Variants in ARHGEF3 observed in about 807,000 individuals in gnomAD.
ARHGEF3 encodes Rho guanine nucleotide exchange factor 3.
ARHGEF3 carries 28 observed loss-of-function variants against 63.2 expected under a neutral mutation model. The observed-to-expected ratio is 0.44, with a 90% CI of 0.33 to 0.61. The LOEUF is 0.61. ARHGEF3 is among the 20% of genes least tolerant of loss of function. ARHGEF3 has a pLI of 0.03. For missense variants in ARHGEF3, 533 were observed against 659.3 expected (o/e 0.81, Z 2.10); for synonymous variants, 266 against 254.2 (o/e 1.05, Z -0.44).
At chr3:57,015,950 T>A (rs1231681906) in intron 2 of ARHGEF3, among the ~76,000 whole-genome samples, 1 of 152,108 alleles carries the variant, frequency 6.6e-6, no homozygotes, top group Non-Finnish European at 1.5e-5. Flanking sequence ...AATCCCCAGA[T>A]GGCCGAATCT....
intron 3 of ARHGEF3, among the ~76,000 whole-genome samples, chr3:56,917,623 G>A (rs553336818): frequency 6.6e-5 from 10 of 152,258 alleles, no homozygotes; most frequent in African/African-American, 2.2e-4. Context: ...AAGTGAGCTT[G>A]GCAAATGCAT....
intron 2 of ARHGEF3, among the ~76,000 whole-genome samples, chr3:56,966,507 TG>T (rs1700500792): frequency 1.3e-5 from 2 of 152,160 alleles, no homozygotes; most frequent in South Asian, 4.1e-4. Context: ...TATTAGCTGG[TG>T]GGGAAGGAGG....
In ARHGEF3 at chr3:56,978,495, A is replaced by T. The variant is rs558522810; in HGVS notation, c.63-19606T>A. 2.0e-5 allele frequency among the ~76,000 whole-genome samples: 3 copies of T among 151,386 alleles called. No individual in the cohort carries two copies. The East Asian group carries it at 5.8e-4, about 29-fold the overall frequency. ...ACAAAATAAAAAACCCAATCAATCA[A>T]TAAACAAACAAAAAGTACTCACCCT... On this transcript the variant is annotated intron_variant, in intron 2 of 12. Coordinates refer to the ARHGEF3 transcript ENST00000338458.
chr3:56,796,736 G>A (rs1308371206), intron 1 of ARHGEF3, among the ~76,000 whole-genome samples: 1 of 152,182 alleles, frequency 6.6e-6, no homozygotes, highest in Non-Finnish European at 1.5e-5. Context: ...GGTTGGAAAA[G>A]TACAGACTTC....
At chr3:56,986,809 G>GA (rs5849179) in intron 2 of ARHGEF3, among the ~76,000 whole-genome samples, 54,801 of 147,216 alleles carry the variant, frequency 0.37, 10,453 homozygotes, top group East Asian at 0.53. Flanking sequence ...TGCGAATTTT[G>GA]AAAAAAAAAA....
intron 6 of ARHGEF3, among the ~76,000 whole-genome samples, chr3:56,747,503 TAC>T (rs2034462474): frequency 1.3e-5 from 2 of 152,124 alleles, no homozygotes; most frequent in South Asian, 4.1e-4. Context: ...GGTTCTCAAA[TAC>T]AGACACTCCC....
At chr3:56,779,287 A>G (rs1260415261) in intron 1 of ARHGEF3, among the ~76,000 whole-genome samples, 1 of 152,218 alleles carries the variant, frequency 6.6e-6, no homozygotes, top group Non-Finnish European at 1.5e-5. Context: ...ATAAAAAGTG[A>G]TATAATGCCT....
chr3:57,046,593 T>C (rs1704463066), intron 1 of ARHGEF3, among the ~76,000 whole-genome samples: 2 of 152,182 alleles, frequency 1.3e-5, no homozygotes, highest in Non-Finnish European at 2.9e-5. Flanking sequence ...CTCAGGAAGA[T>C]GCATCTTAGT....
At chr3:56,831,286 G>A (rs1035100336) in intron 4 of ARHGEF3, among the ~76,000 whole-genome samples, 2 of 152,166 alleles carry the variant, frequency 1.3e-5, no homozygotes, top group African/African-American at 4.8e-5. Flanking sequence ...TCTGTAACTG[G>A]CTTTGTCATC....
intron 4 of ARHGEF3, 127 bp from the exon 5 acceptor site, chr3:56,751,523 T>C: frequency 1.3e-6 from 1 of 741,722 alleles, no homozygotes; most frequent in South Asian, 1.7e-5. Context: ...ACTTCTCCCA[T>C]AAAGCTGCAG....
At chr3:56,849,138 T>G (rs987509347) in intron 4 of ARHGEF3, among the ~76,000 whole-genome samples, 2 of 152,210 alleles carry the variant, frequency 1.3e-5, no homozygotes, top group African/African-American at 4.8e-5. Context: ...CCTGCTGACG[T>G]GAGAGCAGCC....
intron 3 of ARHGEF3, among the ~76,000 whole-genome samples, chr3:56,889,133 T>C (rs1231250774): frequency 6.6e-6 from 1 of 152,040 alleles, no homozygotes; most frequent in African/African-American, 2.4e-5. Context: ...CAAACATTAT[T>C]GTTTCCAGGA....
At chr3:57,052,450 C>T (rs13084830) in intron 1 of ARHGEF3, among the ~76,000 whole-genome samples, 2 of 152,096 alleles carry the variant, frequency 1.3e-5, no homozygotes, top group African/African-American at 2.4e-5. Context: ...GCAACCACCA[C>T]CATGCCCGGC....
At position 56,972,351 on chromosome 3, in the gene ARHGEF3, G is replaced by A. The variant is rs561119137; in HGVS notation, c.63-13462C>T. On this transcript the variant is annotated intron_variant, in intron 2 of 12. Transcript: ENST00000338458. Reference sequence around the variant, plus strand: ...ATAAATAATTCCTATAAAGCACTGCGCCAACTACCTGGTTCACACCAAGTA... The same window carrying A: ...ATAAATAATTCCTATAAAGCACTGCACCAACTACCTGGTTCACACCAAGTA... Among the ~76,000 whole-genome samples the A allele has an allele frequency of 8.5e-5, 13 of 152,164 alleles. No homozygotes were observed. The South Asian group carries it at 1.9e-3, about 22-fold the overall frequency.
At chr3:56,804,415 G>C (rs2037790909), upstream of ARHGEF3, among the ~76,000 whole-genome samples, 1 of 152,110 alleles carries the variant, frequency 6.6e-6, no homozygotes. Flanking sequence ...TCTCAGGCAG[G>C]ACACCTCATA....
intron 2 of ARHGEF3, among the ~76,000 whole-genome samples, chr3:57,015,600 AT>A (rs11290143): frequency 0.14 from 17,686 of 129,202 alleles, 1,318 homozygotes; most frequent in Non-Finnish European, 0.17. Flanking sequence ...CGCCCTGCTA[AT>A]TTTTTTTTTT....
intron 3 of ARHGEF3, among the ~76,000 whole-genome samples, chr3:56,888,689 G>A (rs181998159): frequency 7.9e-5 from 12 of 152,200 alleles, no homozygotes; most frequent in Admixed American, 2.6e-4. Flanking sequence ...GATCACCTGC[G>A]GTCAGGAGTT....
intron 1 of ARHGEF3, among the ~76,000 whole-genome samples, chr3:57,072,828 C>T (rs996531313): frequency 6.6e-6 from 1 of 151,764 alleles, no homozygotes; most frequent in Admixed American, 6.6e-5. Context: ...GGGTGGATCA[C>T]GAGGTCAGGA....
chr3:57,014,159 T>A (rs1415480292), intron 2 of ARHGEF3, among the ~76,000 whole-genome samples: 3 of 151,972 alleles, frequency 2.0e-5, no homozygotes, highest in African/African-American at 7.3e-5. Context: ...GTTTGCAGCT[T>A]CACTCTTGAA....
Sources: allele counts gnomAD v4.1 joint callset (sites outside exome capture counted in the v4.1 genomes callset), GRCh38; gene constraint gnomAD v4.1.1; transcripts MANE v1.5; gene names NCBI Gene and HGNC (gene_info 2026-07-23, HGNC 2026-07-21).